Variants in UBE2H observed in about 807,000 individuals in gnomAD.
The protein encoded by UBE2H is ubiquitin-conjugating enzyme E2 H.
Under a neutral mutation model 29.0 loss-of-function variants are expected in UBE2H, and 3 were observed. The ratio of observed to expected loss-of-function variants is 0.10; its 90% CI spans 0.05 to 0.27. UBE2H has a LOEUF of 0.27. UBE2H is among the 10% of genes least tolerant of loss of function. The probability of loss-of-function intolerance (pLI) is 1.00; values close to 1 mark genes in which losing one functional copy is unlikely to be tolerated. For missense variants in UBE2H, 68 were observed against 228.2 expected (o/e 0.30, Z 4.52); for synonymous variants, 69 against 82.9 (o/e 0.83, Z 0.91).
At chr7:129,952,379 G>C in intron 1 of UBE2H, 124 bp downstream of exon 1, 1 of 1,220,214 alleles carries the variant, frequency 8.2e-7, no homozygotes, top group Non-Finnish European at 1.1e-6. Context: ...GGCACTGGGG[G>C]AGGAGGGGAG....
In UBE2H at chr7:129,952,594, G is replaced by A; in HGVS notation, c.-39C>T. On this transcript the variant is annotated 5_prime_UTR_variant, in exon 1 of 7. Transcript: ENST00000355621. ...CCTCTCTCCCTTCCTCGGCCCGTCT[G>A]TCACGGGCCCGGGGCCCCGGCTCTG... 1.9e-6 allele frequency: 3 copies of A among 1,604,910 alleles called. No individual in the cohort carries two copies. The highest frequency in any genetic ancestry group is 2.2e-5 in the South Asian group (2 of 90,584).
chr7:129,909,957 G>A (rs1205540048), intron 1 of UBE2H, among the ~76,000 whole-genome samples: 2 of 152,102 alleles, frequency 1.3e-5, no homozygotes, highest in Non-Finnish European at 2.9e-5. Context: ...GACACGAAAA[G>A]GGTTGAAAAC....
chr7:129,870,376 G>T (rs1159315319), intron 3 of UBE2H, among the ~76,000 whole-genome samples: 1 of 152,192 alleles, frequency 6.6e-6, no homozygotes, highest in African/African-American at 2.4e-5. Context: ...AGCACATTGG[G>T]AGGCCAATGT....
At chr7:129,861,448 CA>C (rs1224344346) in intron 3 of UBE2H, among the ~76,000 whole-genome samples, 1 of 152,130 alleles carries the variant, frequency 6.6e-6, no homozygotes, top group Non-Finnish European at 1.5e-5. Flanking sequence ...AGGATCACAG[CA>C]ATGGGAAAAG....
At chr7:129,927,062 T>C (rs1209762643) in intron 1 of UBE2H, among the ~76,000 whole-genome samples, 1 of 152,206 alleles carries the variant, frequency 6.6e-6, no homozygotes, top group Non-Finnish European at 1.5e-5. Flanking sequence ...AACTCTGTGC[T>C]TTTCCAAGGC....
At chr7:129,893,588 G>A (rs1177839336) in intron 1 of UBE2H, among the ~76,000 whole-genome samples, 2 of 152,100 alleles carry the variant, frequency 1.3e-5, no homozygotes, top group African/African-American at 2.4e-5. Flanking sequence ...TTGAGAGCAA[G>A]GAAATATAGT....
chr7:129,848,466 A>G (rs560725796), intron 5 of UBE2H, among the ~76,000 whole-genome samples: 7 of 152,340 alleles, frequency 4.6e-5, no homozygotes, highest in Non-Finnish European at 7.3e-5. Flanking sequence ...GAAAGGAAAG[A>G]AAAATCCTGT....
intron 1 of UBE2H, chr7:129,949,081 C>T (rs1179069663): frequency 2.2e-6 from 1 of 455,582 alleles, no homozygotes; most frequent in Non-Finnish European, 4.4e-6. Flanking sequence ...AAACAAGCAG[C>T]TCTAGCCTTC....
chr7:129,839,715 TTG>T, intron 5 of UBE2H: 1 of 255,520 alleles, frequency 3.9e-6, no homozygotes, highest in Non-Finnish European at 7.4e-6. Flanking sequence ...GTTTTTTTGT[TTG>T]TTTTTTTTTT....
intron 1 of UBE2H, among the ~76,000 whole-genome samples, chr7:129,937,018 C>A (rs1807544744): frequency 6.6e-6 from 1 of 151,060 alleles, no homozygotes; most frequent in South Asian, 2.1e-4. Context: ...AAAAAAAACA[C>A]ACAGACTTGA....
intron 3 of UBE2H, among the ~76,000 whole-genome samples, chr7:129,860,898 AG>A (rs1200357703): frequency 6.6e-6 from 1 of 152,144 alleles, no homozygotes; most frequent in Non-Finnish European, 1.5e-5. Context: ...TGATAGGAAA[AG>A]GGAACAGAAG....
intron 1 of UBE2H, among the ~76,000 whole-genome samples, chr7:129,902,822 G>A (rs974545706): frequency 1.3e-5 from 2 of 152,156 alleles, no homozygotes; most frequent in African/African-American, 4.8e-5. Flanking sequence ...TTTACCCTAC[G>A]GGGAAACTGA....
chr7:129,875,160 G>A (rs2116359380), intron 3 of UBE2H, among the ~76,000 whole-genome samples: 1 of 152,292 alleles, frequency 6.6e-6, no homozygotes, highest in East Asian at 1.9e-4. Context: ...AGCAAACATT[G>A]TAGACTATTT....
chr7:129,852,624 T>A (rs1805631823), intron 5 of UBE2H, among the ~76,000 whole-genome samples: 1 of 152,108 alleles, frequency 6.6e-6, no homozygotes, highest in South Asian at 2.1e-4. Flanking sequence ...AAAATAAGAG[T>A]AGAAGTATCT....
chr7:129,900,432 C>T (rs1806687107), intron 1 of UBE2H, among the ~76,000 whole-genome samples: 1 of 152,102 alleles, frequency 6.6e-6, no homozygotes, highest in Non-Finnish European at 1.5e-5. Flanking sequence ...GAAGATAATT[C>T]ATTGTATCTA....
intron 3 of UBE2H, among the ~76,000 whole-genome samples, chr7:129,860,857 T>C (rs1248987902): frequency 2.6e-5 from 4 of 152,032 alleles, no homozygotes; most frequent in Non-Finnish European, 1.5e-5. Flanking sequence ...GCAAAAGTAA[T>C]TGTTTCAGTT....
At position 129,832,971 on chromosome 7, in the gene UBE2H, CGTGCTAGGTAAGA is replaced by C; in HGVS notation, c.*1953_*1965del. The C allele has an allele frequency of 6.6e-6, 1 of 152,250 alleles. No individual in the cohort carries two copies. The highest frequency in any genetic ancestry group is 2.4e-5 in the African/African-American group (1 of 41,514). 9.4% of individuals were successfully genotyped at this position (152,250 alleles called of 1,614,324 possible). Reference sequence around the variant, plus strand: ...CTCCCCCAAAGCAATGAGAAGACAGCGTGCTAGGTAAGAGTGAAGTACACCATTACATGTTAAA... The same window carrying C: ...CTCCCCCAAAGCAATGAGAAGACAGCGTGAAGTACACCATTACATGTTAAA... On this transcript the variant is annotated 3_prime_UTR_variant, in exon 7 of 7. Coordinates refer to ENST00000355621, the MANE Select transcript of UBE2H (RefSeq NM_003344.4).
At chr7:129,902,988 G>A (rs528819087) in intron 1 of UBE2H, among the ~76,000 whole-genome samples, 17 of 152,256 alleles carry the variant, frequency 1.1e-4, no homozygotes, top group African/African-American at 4.1e-4. Context: ...CCCGTCCAAG[G>A]TCGGACTGCT....
intron 5 of UBE2H, among the ~76,000 whole-genome samples, chr7:129,849,128 C>T (rs150701078): frequency 0.024 from 3,524 of 149,478 alleles, 71 homozygotes; most frequent in South Asian, 0.066. Context: ...CTACACTGCA[C>T]ACAACTAAGC....
Sources: allele counts gnomAD v4.1 joint callset (sites outside exome capture counted in the v4.1 genomes callset), GRCh38; gene constraint gnomAD v4.1.1; transcripts MANE v1.5; gene names NCBI Gene and HGNC (gene_info 2026-07-23, HGNC 2026-07-21).